TBXAS1: variants seen among roughly 807,000 people sequenced by gnomAD.
TBXAS1 encodes thromboxane-A synthase.
In TBXAS1, 48 loss-of-function variants were observed where a neutral mutation model predicts 60.7. That is an observed-to-expected ratio of 0.79 (90% CI 0.63 to 1.01). The LOEUF (loss-of-function observed/expected upper bound fraction) is 1.01. Ranked by LOEUF, TBXAS1 falls within the 50% of genes least tolerant of loss-of-function variation. The pLI is 0.00. For synonymous variants in TBXAS1, 287 were observed against 269.7 expected (o/e 1.06, Z -0.63); for missense variants, 685 against 686.3 (o/e 1.00, Z 0.02).
At position 139,951,950 on chromosome 7, in the gene TBXAS1, AAAAGAAAGAAAGAAAG is replaced by A. The variant is rs776126423; in HGVS notation, c.451-1370_451-1355del. Among the ~76,000 whole-genome samples the A allele has an allele frequency of 5.5e-4, 23 of 42,004 alleles. 1 individual carries two copies. Among genetic ancestry groups the A allele is most frequent in the Middle Eastern group, 0.013 (1 of 80 alleles). 27.6% of individuals were successfully genotyped at this position (42,004 alleles called of 152,430 possible). A position where few individuals can be genotyped will look rare whatever the true frequency, so the allele number is the denominator to read the frequency against. On this transcript the variant is annotated intron_variant, in intron 5 of 12. Coordinates refer to ENST00000448866, the MANE Select transcript of TBXAS1 (RefSeq NM_001061.7). Reference sequence around the variant, plus strand: ...GAAAGAGAGAAAGAAGGAAAGAAAGAAAAGAAAGAAAGAAAGAAAGAAAGAAAGAAAGAAAGAAAGA... The same window carrying A: ...GAAAGAGAGAAAGAAGGAAAGAAAGAAAAGAAAGAAAGAAAGAAAGAAAGA...
chr7:140,013,313 C>T lies in TBXAS1; in HGVS notation c.1227-2410C>T, dbSNP rs1318236392. 2.0e-5 allele frequency among the ~76,000 whole-genome samples: 3 copies of T among 152,164 alleles called. No individual in the cohort carries two copies. Among genetic ancestry groups the T allele is most frequent in the Non-Finnish European group, 4.4e-5 (3 of 68,034 alleles). On this transcript the variant is annotated intron_variant, in intron 10 of 12. Transcript: ENST00000448866. The surrounding 1 kb of genome is among the most constrained non-coding windows in gnomAD (Gnocchi z 4.2). Reference sequence around the variant, plus strand: ...CCAACAGTGAAGCTGTTTCTTGGTTCAGAGGTTTATCTTCCTCGGCAAGAA... The same window carrying T: ...CCAACAGTGAAGCTGTTTCTTGGTTTAGAGGTTTATCTTCCTCGGCAAGAA...
chr7:139,972,431 G>A (rs1192014530), intron 9 of TBXAS1, among the ~76,000 whole-genome samples: 1 of 152,132 alleles, frequency 6.6e-6, no homozygotes, highest in Non-Finnish European at 1.5e-5. Flanking sequence ...TTGGCATGGA[G>A]CTACATTTGC....
At chr7:139,815,451 A>C (rs1453680654) in intron 4 of TBXAS1, among the ~76,000 whole-genome samples, 3 of 152,224 alleles carry the variant, frequency 2.0e-5, no homozygotes, top group African/African-American at 7.2e-5. Flanking sequence ...CATCAAAGCA[A>C]AGGCAGTGAA....
chr7:140,015,295 G>A (rs913208067), intron 10 of TBXAS1, among the ~76,000 whole-genome samples: 1 of 152,078 alleles, frequency 6.6e-6, no homozygotes, highest in Admixed American at 6.5e-5. Context: ...GGTGAGCAAG[G>A]GCAATTTTAA....
chr7:139,811,273 T>G (rs1284105874), intron 4 of TBXAS1, among the ~76,000 whole-genome samples: 2 of 152,256 alleles, frequency 1.3e-5, no homozygotes, highest in Non-Finnish European at 2.9e-5. Context: ...GGGTCACATT[T>G]GTGGTGAACA....
chr7:139,849,300 G>A (rs569119488), intron 1 of TBXAS1, among the ~76,000 whole-genome samples: 1 of 151,972 alleles, frequency 6.6e-6, no homozygotes, highest in African/African-American at 2.4e-5. Flanking sequence ...GATCAGTTGA[G>A]CCCAGGATGT....
rs1262049927 is a variant in TBXAS1 at position 139,861,871 on chromosome 7, C to A, written c.90-10364C>A. ...GATCCAGGGGAATATTGGTTTCTTG[C>A]CTCCTTGGTTCACGGTTGCTTTACT... On this transcript the variant is annotated intron_variant, in intron 1 of 12. Coordinates refer to ENST00000448866, the MANE Select transcript of TBXAS1 (RefSeq NM_001061.7). Among the ~76,000 whole-genome samples the A allele has an allele frequency of 2.0e-5, 3 of 152,172 alleles. No homozygotes were observed. The East Asian group carries it at 5.8e-4, about 29-fold the overall frequency.
intron 9 of TBXAS1, 91 bp downstream of exon 9, chr7:139,962,324 G>T (rs954883335): frequency 1.3e-5 from 19 of 1,443,896 alleles, no homozygotes; most frequent in Non-Finnish European, 1.7e-5. Flanking sequence ...TTAATGACTT[G>T]CTAATATCAC....
chr7:139,953,027 G>T lies in TBXAS1; in HGVS notation c.451-341G>T, dbSNP rs537827447. ...GATTAGGCTTTATTTACTTGCTAAT[G>T]CTAACCAAATGTCATGAAACTGAGT... On this transcript the variant is annotated intron_variant, in intron 5 of 12. Transcript: ENST00000448866. Among the ~76,000 whole-genome samples the T allele has an allele frequency of 7.9e-5, 12 of 152,308 alleles. No homozygotes were observed. In the East Asian group the frequency reaches 2.3e-3, roughly 29 times the overall value.
At chr7:139,934,494 T>A (rs1370465213) in intron 4 of TBXAS1, among the ~76,000 whole-genome samples, 2 of 152,118 alleles carry the variant, frequency 1.3e-5, no homozygotes, top group African/African-American at 4.8e-5. Flanking sequence ...GGCCGCAAAG[T>A]CTTTTTCATT....
intron 1 of TBXAS1, among the ~76,000 whole-genome samples, chr7:139,834,800 C>T (rs920214018): frequency 6.6e-6 from 1 of 152,092 alleles, no homozygotes; most frequent in Admixed American, 6.5e-5. Context: ...CAGACCAATA[C>T]AAGCAGTGAG....
intron 4 of TBXAS1, among the ~76,000 whole-genome samples, chr7:139,819,534 ACT>A (rs1294870726): frequency 4.6e-5 from 7 of 151,950 alleles, no homozygotes; most frequent in African/African-American, 7.3e-5. Flanking sequence ...ATGCAGTCTC[ACT>A]CTGTCGCCCA....
intron 3 of TBXAS1, among the ~76,000 whole-genome samples, chr7:139,900,160 T>C (rs1043019576): frequency 4.6e-5 from 7 of 152,238 alleles, no homozygotes; most frequent in African/African-American, 1.7e-4. Flanking sequence ...GAAGTTTCTT[T>C]GCACCCTATA....
intron 4 of TBXAS1, among the ~76,000 whole-genome samples, chr7:139,820,752 C>T (rs1385005741): frequency 6.6e-6 from 1 of 152,110 alleles, no homozygotes; most frequent in Non-Finnish European, 1.5e-5. Context: ...CTGCTTAATG[C>T]CTCCCAGCCA....
At chr7:139,802,182 A>G (rs1797739328) in intron 4 of TBXAS1, among the ~76,000 whole-genome samples, 1 of 152,168 alleles carries the variant, frequency 6.6e-6, no homozygotes, top group Non-Finnish European at 1.5e-5. Context: ...TGTAGTTTAA[A>G]TATTGTTTTA....
At chr7:140,006,014 C>G (rs752661327) in intron 9 of TBXAS1, among the ~76,000 whole-genome samples, 12 of 152,230 alleles carry the variant, frequency 7.9e-5, no homozygotes, top group Non-Finnish European at 1.5e-4. Context: ...AAGGGCTCCC[C>G]CTGCAGACGG....
chr7:139,922,263 G>A (rs551433868), intron 4 of TBXAS1, among the ~76,000 whole-genome samples: 10 of 151,710 alleles, frequency 6.6e-5, no homozygotes, highest in East Asian at 1.9e-4. Context: ...CACCATGCCC[G>A]GCTAATTTTT....
intron 3 of TBXAS1, among the ~76,000 whole-genome samples, chr7:139,890,405 C>T (rs1803501184): frequency 6.6e-6 from 1 of 151,694 alleles, no homozygotes; most frequent in African/African-American, 2.4e-5. Flanking sequence ...TTAGGAGAGA[C>T]GGGGTTTCAC....
At chr7:139,919,058 G>A (rs1417454610) in intron 4 of TBXAS1, among the ~76,000 whole-genome samples, 3 of 151,872 alleles carry the variant, frequency 2.0e-5, no homozygotes, top group African/African-American at 7.3e-5. Context: ...GCCCTATTTG[G>A]TTCAAATCTT....
Sources: allele counts gnomAD v4.1 joint callset (sites outside exome capture counted in the v4.1 genomes callset), GRCh38; gene constraint gnomAD v4.1.1; non-coding constraint Gnocchi (gnomAD v3.1); transcripts MANE v1.5; gene names NCBI Gene and HGNC (gene_info 2026-07-23, HGNC 2026-07-21).